The following SLC7A14 variants were observed in gnomAD, a reference collection of about 807,000 sequenced individuals.
The protein encoded by SLC7A14 is gamma-aminobutyric acid transporter SLC7A14.
In SLC7A14, 37 loss-of-function variants were observed where a neutral mutation model predicts 60.2. The observed-to-expected ratio is 0.61, with a 90% CI of 0.47 to 0.81. SLC7A14 has a LOEUF of 0.81. Ranked by LOEUF, SLC7A14 falls within the 30% of genes least tolerant of loss-of-function variation. SLC7A14 has a pLI of 0.00. For missense variants in SLC7A14, 886 were observed against 982.7 expected, an observed-to-expected ratio of 0.90 and a Z score of 1.32; for synonymous variants, 399 against 395.8, an observed-to-expected ratio of 1.01 and a Z score of -0.10.
At chr3:170,559,331 C>T (rs1018324190) in intron 1 of SLC7A14, among the ~76,000 whole-genome samples, 1 of 152,176 alleles carries the variant, frequency 6.6e-6, no homozygotes. Flanking sequence ...ATCAGAAGAG[C>T]TAATCGATTT....
At chr3:170,486,508 A>T in intron 4 of SLC7A14, 140 bp from the exon 5 acceptor site, 1 of 1,037,744 alleles carries the variant, frequency 9.6e-7, no homozygotes, top group Non-Finnish European at 1.4e-6. Flanking sequence ...CGTGCTAAAC[A>T]CGCAGGTTCT....
chr3:170,500,709 G>A (rs202163131), intron 3 of SLC7A14, among the ~76,000 whole-genome samples: 2 of 152,076 alleles, frequency 1.3e-5, no homozygotes, highest in East Asian at 3.9e-4. Flanking sequence ...ATTGACATGT[G>A]CCTGTATGGT....
At position 170,480,655 on chromosome 3, in the gene SLC7A14, T is replaced by G; in HGVS notation, c.1627A>C (p.Thr543Pro). 6.2e-7 allele frequency: 1 copy of G among 1,614,224 alleles called. No homozygotes were observed. Among genetic ancestry groups the G allele is most frequent in the Non-Finnish European group, 8.5e-7 (1 of 1,180,040 alleles). Residue 543 changes from threonine (T) to proline (P), a missense_variant, in exon 7 of 8, where the codon ACC becomes CCC. Thr to Pro is a conservative substitution (Grantham distance 38). Transcript: ENST00000231706. ...LKKLIGPHYY[T>P]MRIRLGLPGK... ...GGAAGGCCCAGCCGGATTCTCATGG[T>G]GTAATAATGAGGCCCAATCAGCTTC... is the stretch of plus-strand genomic sequence containing the variant.
At chr3:170,563,046 A>T (rs1231313742) in intron 1 of SLC7A14, among the ~76,000 whole-genome samples, 1 of 152,032 alleles carries the variant, frequency 6.6e-6, no homozygotes, top group Non-Finnish European at 1.5e-5. Flanking sequence ...ACAGGTGTGC[A>T]CTACTGTTCC....
chr3:170,519,437 C>G (rs1713275158), intron 2 of SLC7A14, among the ~76,000 whole-genome samples: 1 of 152,164 alleles, frequency 6.6e-6, no homozygotes, highest in Non-Finnish European at 1.5e-5. Context: ...AGGCCAATGT[C>G]AGTGGGAGAA....
At chr3:170,482,797 A>G (rs1000783450) in intron 6 of SLC7A14, among the ~76,000 whole-genome samples, 1 of 152,208 alleles carries the variant, frequency 6.6e-6, no homozygotes, top group Admixed American at 6.5e-5. Context: ...ACTAAATGGG[A>G]TACTGTATAC....
chr3:170,481,705 C>A (rs1440841016), intron 6 of SLC7A14, among the ~76,000 whole-genome samples: 1 of 152,082 alleles, frequency 6.6e-6, no homozygotes, highest in East Asian at 1.9e-4. Flanking sequence ...TAGACTAGTT[C>A]TTTGATTTTA....
intron 1 of SLC7A14, among the ~76,000 whole-genome samples, chr3:170,538,692 G>A (rs916014630): frequency 3.3e-5 from 5 of 152,322 alleles, no homozygotes; most frequent in Non-Finnish European, 7.3e-5. Context: ...TGCACTGTGT[G>A]TGCAAAATGT....
chr3:170,515,959 C>T (rs75191821), intron 2 of SLC7A14, among the ~76,000 whole-genome samples: 2,266 of 152,290 alleles, frequency 0.015, 63 homozygotes, highest in African/African-American at 0.052. Context: ...TGCAGCATCT[C>T]CTGCTATGCT....
At chr3:170,471,493 C>T (rs1295038336) in intron 7 of SLC7A14, among the ~76,000 whole-genome samples, 2 of 152,126 alleles carry the variant, frequency 1.3e-5, no homozygotes, top group Non-Finnish European at 2.9e-5. Flanking sequence ...GCAGTATCAT[C>T]ACAACTAAAA....
chr3:170,554,464 G>A (rs1175253574), intron 1 of SLC7A14, among the ~76,000 whole-genome samples: 1 of 152,186 alleles, frequency 6.6e-6, no homozygotes, highest in Non-Finnish European at 1.5e-5. Context: ...CACTGTAACT[G>A]ATGTTCAGCA....
rs1577493554 is a variant in SLC7A14, at chr3:170,472,847, G to T, written c.1994-5470C>A. Among the ~76,000 whole-genome samples, 5 of 152,200 alleles carry T rather than the reference G, an allele frequency of 3.3e-5. No individual in the cohort carries two copies. In the South Asian group the frequency reaches 8.3e-4, roughly 25 times the overall value. On this transcript the variant is annotated intron_variant, in intron 7 of 7. Transcript: ENST00000231706. ...GCTTTGGCTTCTTTTCTAGACAGAAGTTCCCCAGTGGAAAATGTGTCTATG... is the reference window on the plus strand; with the variant it reads ...GCTTTGGCTTCTTTTCTAGACAGAATTTCCCCAGTGGAAAATGTGTCTATG...
intron 4 of SLC7A14, among the ~76,000 whole-genome samples, chr3:170,489,816 T>A (rs574689180): frequency 1.3e-5 from 2 of 152,326 alleles, no homozygotes; most frequent in South Asian, 4.1e-4. Context: ...AAGATCTTTA[T>A]GTTAAGCAAA....
intron 1 of SLC7A14, among the ~76,000 whole-genome samples, chr3:170,543,246 C>T (rs988623247): frequency 4.6e-5 from 7 of 152,066 alleles, no homozygotes; most frequent in South Asian, 2.1e-4. Context: ...ATGCCTCCTC[C>T]GGAAGAGAGG....
At chr3:170,568,447 G>A (rs1019201647) in intron 1 of SLC7A14, among the ~76,000 whole-genome samples, 2 of 152,152 alleles carry the variant, frequency 1.3e-5, no homozygotes, top group Non-Finnish European at 2.9e-5. Context: ...GTAGCATGAT[G>A]CCTCCAGCTT....
At chr3:170,507,797 T>C (rs1451181181) in intron 2 of SLC7A14, among the ~76,000 whole-genome samples, 5 of 152,118 alleles carry the variant, frequency 3.3e-5, no homozygotes, top group African/African-American at 1.2e-4. Context: ...AATACATAAA[T>C]AGGTAAAAGC....
chr3:170,528,921 C>G (rs1450543923), intron 1 of SLC7A14, among the ~76,000 whole-genome samples: 1 of 152,154 alleles, frequency 6.6e-6, no homozygotes, highest in Non-Finnish European at 1.5e-5. Flanking sequence ...ACTCAGCCAG[C>G]ATATAAGGAA....
chr3:170,562,845 A>T (rs1714691321), intron 1 of SLC7A14, among the ~76,000 whole-genome samples: 1 of 151,184 alleles, frequency 6.6e-6, no homozygotes, highest in South Asian at 2.1e-4. Flanking sequence ...TGACCTCTAG[A>T]GGCCTCCTGG....
chr3:170,530,269 A>G (rs186319328), intron 1 of SLC7A14, among the ~76,000 whole-genome samples: 1 of 152,304 alleles, frequency 6.6e-6, no homozygotes, highest in African/African-American at 2.4e-5. Context: ...TGTCAGGGAA[A>G]TGCTCCTCAC....
Sources: allele counts gnomAD v4.1 joint callset (sites outside exome capture counted in the v4.1 genomes callset), GRCh38; gene constraint gnomAD v4.1.1; transcripts MANE v1.5; gene names NCBI Gene and HGNC (gene_info 2026-07-23, HGNC 2026-07-21).